Variants in SMYD3 observed in about 807,000 individuals in gnomAD.
The protein encoded by SMYD3 is SET and MYND domain containing 3.
A neutral mutation model predicts 57.7 loss-of-function variants in SMYD3; 36 were observed. The observed-to-expected ratio is 0.62, with a 90% confidence interval of 0.48 to 0.82. SMYD3 has a LOEUF of 0.82. Ranked by LOEUF, SMYD3 falls within the 40% of genes least tolerant of loss-of-function variation. The pLI, the probability that SMYD3 is intolerant of heterozygous loss-of-function variation, is 0.00. For missense variants in SMYD3, 515 were observed against 538.8 expected (o/e 0.96, Z 0.44); for synonymous variants, 211 against 195.0 (o/e 1.08, Z -0.68).
At chr1:246,505,382 A>C (rs2068520594) in intron 1 of SMYD3, among the ~76,000 whole-genome samples, 1 of 152,024 alleles carries the variant, frequency 6.6e-6, no homozygotes, top group South Asian at 2.1e-4. Context: ...TATCACAAAG[A>C]AGAATGGTTG....
At chr1:246,402,600 C>T (rs570351257) in intron 1 of SMYD3, among the ~76,000 whole-genome samples, 3 of 152,118 alleles carry the variant, frequency 2.0e-5, no homozygotes, top group Non-Finnish European at 4.4e-5. Flanking sequence ...AAGATAGAGG[C>T]TAGAAGCCAC....
Position 245,749,419 on chromosome 1 carries a change from C to CA in SMYD3, c.*143dup, listed in dbSNP as rs1268246149. 5 of 586,692 alleles carry CA rather than the reference C, an allele frequency of 8.5e-6. No individual in the cohort carries two copies. Among genetic ancestry groups the CA allele is most frequent in the African/African-American group, 7.5e-5 (4 of 53,452 alleles). 36.3% of individuals were successfully genotyped at this position (586,692 alleles called of 1,614,324 possible). A position where few individuals can be genotyped will look rare whatever the true frequency, so the allele number is the denominator to read the frequency against. ...CTAATGATTCTTGTGGTTTGCAAAC[C>CA]ATGTCTGCCTTTATTTACCTACACA... On this transcript the variant is annotated 3_prime_UTR_variant, in exon 12 of 12. Coordinates refer to ENST00000490107, the MANE Select transcript of SMYD3 (RefSeq NM_001167740.2).
intron 10 of SMYD3, among the ~76,000 whole-genome samples, chr1:245,799,056 C>G (rs2047726629): frequency 6.6e-6 from 1 of 152,164 alleles, no homozygotes; most frequent in Non-Finnish European, 1.5e-5. Flanking sequence ...AAGCTCTAGC[C>G]CTCTCCATAG....
chr1:246,303,533 T>C (rs1028965335), intron 5 of SMYD3, among the ~76,000 whole-genome samples: 2 of 152,228 alleles, frequency 1.3e-5, no homozygotes, highest in East Asian at 1.9e-4. Context: ...TTAGTTGTTA[T>C]ACTCTTTTTT....
chr1:245,826,128 C>A (rs1176473873), intron 10 of SMYD3, among the ~76,000 whole-genome samples: 2 of 151,144 alleles, frequency 1.3e-5, no homozygotes, highest in Non-Finnish European at 2.9e-5. Context: ...AGTATATTCA[C>A]ACTGTTGTAT....
At chr1:246,273,162 G>GA (rs1491138821) in intron 5 of SMYD3, among the ~76,000 whole-genome samples, 1 of 46,706 alleles carries the variant, frequency 2.1e-5, no homozygotes, top group Non-Finnish European at 3.9e-5. Context: ...TCTTTTTTTT[G>GA]GGGGGGGGAC....
Position 246,226,225 on chromosome 1 carries a change from T to C in SMYD3, c.531+100976A>G, listed in dbSNP as rs7526936. Among the ~76,000 whole-genome samples the C allele has an allele frequency of 3.5e-3, 534 of 152,340 alleles. 1 individual carries two copies. The highest frequency in any genetic ancestry group is 0.012 in the African/African-American group (504 of 41,578). The stretch of plus-strand genomic sequence containing the variant: ...ACTAAATGACCTGTGAAAGCCCCTG[T>C]TAGTTGCTTCATACTGATACCGAAT... On this transcript the variant is annotated intron_variant, in intron 5 of 11. Coordinates refer to ENST00000490107, the MANE Select transcript of SMYD3 (RefSeq NM_001167740.2).
chr1:245,965,721 G>C (rs928620666), intron 5 of SMYD3, among the ~76,000 whole-genome samples: 1 of 152,234 alleles, frequency 6.6e-6, no homozygotes. Context: ...GGTGGCCAGA[G>C]ATGAGAGGGG....
chr1:245,984,102 C>T (rs1015510183), intron 5 of SMYD3, among the ~76,000 whole-genome samples: 2 of 150,836 alleles, frequency 1.3e-5, no homozygotes, highest in African/African-American at 2.4e-5. Context: ...TGGGTTCAAG[C>T]GATTCTCCTG....
chr1:246,095,868 C>G (rs1160271580), intron 5 of SMYD3, among the ~76,000 whole-genome samples: 2 of 152,116 alleles, frequency 1.3e-5, no homozygotes, highest in African/African-American at 4.8e-5. Flanking sequence ...AGGCAAGACC[C>G]TGTGTCAAAA....
intron 5 of SMYD3, among the ~76,000 whole-genome samples, chr1:246,221,037 T>C (rs2063246433): frequency 6.6e-6 from 1 of 151,738 alleles, no homozygotes; most frequent in South Asian, 2.1e-4. Flanking sequence ...CCTCTCTGCC[T>C]AGAGCTGCAG....
intron 10 of SMYD3, among the ~76,000 whole-genome samples, chr1:245,847,229 C>A (rs2148440167): frequency 6.6e-6 from 1 of 152,176 alleles, no homozygotes; most frequent in East Asian, 1.9e-4. Context: ...GTCATTTATA[C>A]CCCACTTTTT....
At chr1:246,323,580 AAG>A (rs1255732820) in intron 5 of SMYD3, among the ~76,000 whole-genome samples, 1 of 152,194 alleles carries the variant, frequency 6.6e-6, no homozygotes, top group East Asian at 1.9e-4. Flanking sequence ...TCTCGGGATT[AAG>A]AACTTTCTCA....
chr1:246,354,038 G>A (rs1007393625), intron 2 of SMYD3, among the ~76,000 whole-genome samples: 1 of 152,124 alleles, frequency 6.6e-6, no homozygotes, highest in African/African-American at 2.4e-5. Context: ...TGAGAGAGAA[G>A]AAAACCCCTG....
At chr1:246,373,753 T>A (rs1196349971) in intron 1 of SMYD3, among the ~76,000 whole-genome samples, 1 of 152,252 alleles carries the variant, frequency 6.6e-6, no homozygotes, top group Non-Finnish European at 1.5e-5. Flanking sequence ...TTGACTTATA[T>A]GAACTTGAAG....
chr1:246,092,865 T>A (rs546485396), intron 5 of SMYD3, among the ~76,000 whole-genome samples: 1 of 151,854 alleles, frequency 6.6e-6, no homozygotes, highest in South Asian at 2.1e-4. Flanking sequence ...TGACAAGTGA[T>A]TAATAATGAG....
chr1:245,881,138 G>A (rs1222139111), intron 8 of SMYD3, among the ~76,000 whole-genome samples: 1 of 152,172 alleles, frequency 6.6e-6, no homozygotes. Flanking sequence ...CTTTTGACCA[G>A]ATTAGAAAAC....
At chr1:246,190,689 T>C (rs375303909) in intron 5 of SMYD3, among the ~76,000 whole-genome samples, 1 of 151,450 alleles carries the variant, frequency 6.6e-6, no homozygotes, top group East Asian at 1.9e-4. Context: ...TTAAAAATCA[T>C]GATTTTCTTT....
intron 1 of SMYD3, among the ~76,000 whole-genome samples, chr1:246,470,478 G>C (rs2067943918): frequency 6.9e-6 from 1 of 145,714 alleles, no homozygotes; most frequent in South Asian, 2.2e-4. Flanking sequence ...CTAGGAGACA[G>C]AGCAAGAATC....
Sources: allele counts gnomAD v4.1 joint callset (sites outside exome capture counted in the v4.1 genomes callset), GRCh38; gene constraint gnomAD v4.1.1; transcripts MANE v1.5; gene names NCBI Gene and HGNC (gene_info 2026-07-23, HGNC 2026-07-21).